The following NT5M variants were observed in gnomAD, a reference collection of about 807,000 sequenced individuals.
NT5M encodes the protein 5'(3')-deoxyribonucleotidase, mitochondrial.
In NT5M, 22 loss-of-function variants were observed where a neutral mutation model predicts 22.2. The ratio of observed to expected loss-of-function variants is 0.99; its 90% CI spans 0.71 to 1.41. The LOEUF (loss-of-function observed/expected upper bound fraction) is 1.41. Ranked by LOEUF, NT5M falls within the 40% of genes most tolerant of loss-of-function variation. The pLI is 0.00. For missense variants in NT5M, 322 were observed against 314.8 expected (o/e 1.02, Z -0.17); for synonymous variants, 167 against 133.0 (o/e 1.26, Z -1.76).
In NT5M at chr17:17,315,068, C is replaced by T. The variant is rs550862054; in HGVS notation, c.369-8117C>T. On this transcript the variant is annotated intron_variant, in intron 2 of 4. Coordinates refer to ENST00000389022, the MANE Select transcript of NT5M (RefSeq NM_020201.4). ...CCAGAATGATGCCTGGCACATCACA[C>T]ACTCAAAATATTTGCCAAATGAATA... is the stretch of plus-strand genomic sequence containing the variant. 5.9e-5 allele frequency among the ~76,000 whole-genome samples: 9 copies of T among 152,288 alleles called. No homozygotes were observed. In the South Asian group the frequency reaches 1.0e-3, roughly 18 times the overall value.
At chr17:17,303,863 G>C (rs1402696539) in intron 1 of NT5M, 46 bp downstream of exon 1, 11 of 1,335,674 alleles carry the variant, frequency 8.2e-6, no homozygotes, top group Non-Finnish European at 1.1e-5. Flanking sequence ...TTCTCGCCCC[G>C]AGCCCCAGAC....
chr17:17,306,595 C>T lies in NT5M; in HGVS notation c.320C>T (p.Pro107Leu). The T allele has an allele frequency of 6.2e-7, 1 of 1,614,046 alleles. No individual in the cohort carries two copies. The highest frequency in any genetic ancestry group is 8.5e-7 in the Non-Finnish European group (1 of 1,179,996). Residue 107 changes from proline to leucine, a missense_variant, in exon 2 of 5, where the codon CCT becomes CTT. By Grantham distance (98) the Pro-to-Leu change is moderately conservative. Transcript: ENST00000389022. Reference protein sequence around the residue: ...ESKNFFFELEPLPGAVEAVKE... With the variant: ...ESKNFFFELELLPGAVEAVKE... ...AAGAATTTCTTTTTTGAACTTGAGCCTCTGCCAGGGGCCGTGGAAGCTGTC... is the reference window on the plus strand; with the variant it reads ...AAGAATTTCTTTTTTGAACTTGAGCTTCTGCCAGGGGCCGTGGAAGCTGTC...
intron 2 of NT5M, among the ~76,000 whole-genome samples, chr17:17,314,389 G>A (rs1567883324): frequency 6.6e-6 from 1 of 152,056 alleles, no homozygotes; most frequent in East Asian, 1.9e-4. Context: ...AAATGTGTCA[G>A]TTGACCTCTC....
At chr17:17,316,150 C>A (rs935014497) in intron 2 of NT5M, among the ~76,000 whole-genome samples, 2 of 150,732 alleles carry the variant, frequency 1.3e-5, no homozygotes, top group East Asian at 3.9e-4. Context: ...CTGTATCTCC[C>A]GGGTAAAAGC....
At chr17:17,324,438 C>T (rs901326612) in intron 3 of NT5M, among the ~76,000 whole-genome samples, 2 of 150,858 alleles carry the variant, frequency 1.3e-5, no homozygotes, top group African/African-American at 2.4e-5. Flanking sequence ...GAGCCAAGAT[C>T]GTGCCACTGC....
chr17:17,311,841 A>G (rs2048928404), intron 2 of NT5M, among the ~76,000 whole-genome samples: 1 of 152,182 alleles, frequency 6.6e-6, no homozygotes, highest in Non-Finnish European at 1.5e-5. Flanking sequence ...AACTTGATGT[A>G]TCGTGTTCCT....
intron 2 of NT5M, 58 bp from the exon 3 acceptor site, chr17:17,323,127 G>T: frequency 1.4e-6 from 2 of 1,419,732 alleles, no homozygotes; most frequent in Non-Finnish European, 2.0e-6. Context: ...GGTGGTGAAG[G>T]CCTCGGGGTG....
chr17:17,324,502 A>T (rs1169757439), intron 3 of NT5M, among the ~76,000 whole-genome samples: 5 of 100,390 alleles, frequency 5.0e-5, no homozygotes, highest in African/African-American at 2.7e-4. Flanking sequence ...AACTTAATTT[A>T]AAAAAAAAAA....
chr17:17,343,595 A>G (rs2142384497), intron 3 of NT5M, among the ~76,000 whole-genome samples: 1 of 152,258 alleles, frequency 6.6e-6, no homozygotes, highest in East Asian at 1.9e-4. Context: ...CTTGTCATAC[A>G]CAGGGAAAAA....
At chr17:17,303,880 C>T in intron 1 of NT5M, 63 bp downstream of exon 1, 1 of 1,316,272 alleles carries the variant, frequency 7.6e-7, no homozygotes. Flanking sequence ...AGACACCGCC[C>T]CTGCGCCGGT....
chr17:17,326,110 A>C (rs939617206), intron 3 of NT5M, among the ~76,000 whole-genome samples: 16 of 152,312 alleles, frequency 1.1e-4, no homozygotes, highest in African/African-American at 3.8e-4. Flanking sequence ...GTTATTAAAC[A>C]CCGGCGAGTA....
chr17:17,328,497 G>A (rs949771505), intron 3 of NT5M, among the ~76,000 whole-genome samples: 3 of 152,140 alleles, frequency 2.0e-5, no homozygotes, highest in African/African-American at 7.2e-5. Flanking sequence ...CTGGCTGAGG[G>A]CGGGCTGGTA....
chr17:17,310,466 A>G (rs2048899843), intron 2 of NT5M, among the ~76,000 whole-genome samples: 1 of 152,200 alleles, frequency 6.6e-6, no homozygotes, highest in Non-Finnish European at 1.5e-5. Context: ...AAAAAAGACA[A>G]ACCAATTGAA....
chr17:17,342,268 G>A (rs1010698258), intron 3 of NT5M, among the ~76,000 whole-genome samples: 4 of 152,096 alleles, frequency 2.6e-5, no homozygotes, highest in South Asian at 2.1e-4. Context: ...TTGTTTTGCC[G>A]TTTATGTGAC....
At chr17:17,306,486 T>C (rs1403033565) in intron 1 of NT5M, 57 bp from the exon 2 acceptor site, 6 of 1,199,846 alleles carry the variant, frequency 5.0e-6, no homozygotes, top group Non-Finnish European at 7.5e-6. Context: ...CTCCCCAAGA[T>C]GAGGGCAGTA....
At position 17,303,712 on chromosome 17, in the gene NT5M, C is replaced by T. The variant is rs750793550; in HGVS notation, c.162C>T (p.Leu54=). 95 of 1,591,984 alleles carry T rather than the reference C, an allele frequency of 6.0e-5. No homozygotes were observed. In the South Asian group the frequency reaches 1.0e-3, roughly 17 times the overall value. ...GVLADFEGGF[L]RKFRARFPDQ... ...TGGCTGACTTCGAGGGCGGATTCCTCAGGAAGTTCCGCGCGCGCTTTCCCG... is the reference window on the plus strand; with the variant it reads ...TGGCTGACTTCGAGGGCGGATTCCTTAGGAAGTTCCGCGCGCGCTTTCCCG... Residue 54 remains leucine (L), a synonymous_variant, in exon 1 of 5, where the codon CTC becomes CTT. Transcript: ENST00000389022.
rs188548731 is a variant in NT5M, at chr17:17,304,908, A to G, written c.267+1091A>G. On this transcript the variant is annotated intron_variant, in intron 1 of 4. Coordinates refer to ENST00000389022, the MANE Select transcript of NT5M (RefSeq NM_020201.4). ...TGAGGGACAGGTGTTAAAAAAGGAA[A>G]CCAAGTACCGTTTGTCTCCATCAAC... Among the ~76,000 whole-genome samples, 20 of 152,292 alleles carry G rather than the reference A, an allele frequency of 1.3e-4. No homozygotes were observed. In the East Asian group the frequency reaches 3.5e-3, roughly 26 times the overall value.
chr17:17,339,031 A>G (rs1333840306), intron 3 of NT5M, among the ~76,000 whole-genome samples: 2 of 152,258 alleles, frequency 1.3e-5, no homozygotes, highest in African/African-American at 4.8e-5. Flanking sequence ...CTGGCCTGTC[A>G]TTGGTATTTT....
intron 2 of NT5M, among the ~76,000 whole-genome samples, chr17:17,309,661 T>C (rs537450014): frequency 1.4e-5 from 2 of 146,398 alleles, no homozygotes; most frequent in Non-Finnish European, 3.0e-5. Flanking sequence ...TGATGGCTAA[T>C]GATGCTCAAG....
Sources: allele counts gnomAD v4.1 joint callset (sites outside exome capture counted in the v4.1 genomes callset), GRCh38; gene constraint gnomAD v4.1.1; transcripts MANE v1.5; gene names NCBI Gene and HGNC (gene_info 2026-07-23, HGNC 2026-07-21).